METTL14: variants seen among roughly 807,000 people sequenced by gnomAD.
METTL14 encodes N(6)-adenosine-methyltransferase non-catalytic subunit METTL14.
Under a neutral mutation model 62.4 loss-of-function variants are expected in METTL14, and 32 were observed. That is an observed-to-expected ratio of 0.51 (90% CI 0.39 to 0.69). METTL14 has a LOEUF of 0.69. Ranked by LOEUF, METTL14 falls within the 30% of genes least tolerant of loss-of-function variation. The probability of loss-of-function intolerance (pLI) is 0.00; values close to 1 mark genes in which losing one functional copy is unlikely to be tolerated. For missense variants in METTL14, 340 were observed against 551.9 expected, an observed-to-expected ratio of 0.62 and a Z score of 3.85; for synonymous variants, 150 against 180.0, an observed-to-expected ratio of 0.83 and a Z score of 1.34.
intron 3 of METTL14, among the ~76,000 whole-genome samples, chr4:118,691,041 C>T (rs573499857): frequency 6.6e-6 from 1 of 151,820 alleles, no homozygotes; most frequent in African/African-American, 2.4e-5. Context: ...TGAAATAATA[C>T]CTAATCTCGT....
intron 6 of METTL14, among the ~76,000 whole-genome samples, chr4:118,695,423 C>T (rs1724378073): frequency 6.6e-6 from 1 of 151,994 alleles, no homozygotes. Flanking sequence ...GTGGTGCACG[C>T]CTGTAATCCC....
At chr4:118,694,729 A>G (rs1331761228) in intron 6 of METTL14, among the ~76,000 whole-genome samples, 1 of 152,110 alleles carries the variant, frequency 6.6e-6, no homozygotes, top group Non-Finnish European at 1.5e-5. Flanking sequence ...TCCTGGGCTC[A>G]AGCAATCCTC....
chr4:118,701,836 A>G (rs1724599775), intron 8 of METTL14, among the ~76,000 whole-genome samples: 1 of 152,190 alleles, frequency 6.6e-6, no homozygotes. Flanking sequence ...CCAAATTCTG[A>G]AATTCTACAA....
chr4:118,703,991 T>C lies in METTL14; in HGVS notation c.795T>C (p.Asn265=). Residue 265 remains asparagine (N), a synonymous_variant, in exon 9 of 11, where the codon AAT becomes AAC. Transcript: ENST00000388822. ...RCEDICWIKT[N]KNNPGKTKTL... ...AAGATATTTGTTGGATTAAAACCAA[T>C]AAAAACAATCCTGGGAAGACTAAGA... 6.3e-7 allele frequency: 1 copy of C among 1,597,284 alleles called. No homozygotes were observed. Among genetic ancestry groups the C allele is most frequent in the East Asian group, 2.3e-5 (1 of 44,352 alleles).
In METTL14 at chr4:118,697,195, G is replaced by A. The variant is rs370370248; in HGVS notation, c.517G>A (p.Asp173Asn). 4.4e-6 allele frequency: 7 copies of A among 1,599,714 alleles called. No homozygotes were observed. Among genetic ancestry groups the A allele is most frequent in the South Asian group, 3.4e-5 (3 of 87,436 alleles). ...TTAATCAAATAGGTACTTACAAGCCGATATAGAAGCCTTTGACATCAGAGA... is the reference window on the plus strand; with the variant it reads ...TTAATCAAATAGGTACTTACAAGCCAATATAGAAGCCTTTGACATCAGAGA... ...SNTPPMYLQADIEAFDIRELT... is the reference protein window; with the variant it reads ...SNTPPMYLQANIEAFDIRELT... The change falls in exon 7 of 11, where the codon GAT (aspartate) becomes AAT (asparagine). Residue 173 changes from aspartate (D) to asparagine (N), a missense_variant. Around this residue, in one of 7 missense-constraint regions of METTL14, gnomAD observed 41 missense variants for 44.0 expected, o/e 0.93. Coordinates refer to ENST00000388822, the MANE Select transcript of METTL14 (RefSeq NM_020961.4).
chr4:118,691,569 C>G lies in METTL14; in HGVS notation c.281C>G (p.Pro94Arg), dbSNP rs1040836897. Residue 94 changes from proline (P) to arginine (R), a missense_variant, in exon 4 of 11, where the codon CCA becomes CGA. By Grantham distance (103) the Pro-to-Arg change is moderately radical (BLOSUM62 -2). Coordinates refer to ENST00000388822, the MANE Select transcript of METTL14 (RefSeq NM_020961.4). ...ATGCAACAGGATGAAGAAAATTTGCCATATGAAGAAGAGATTTACAAAGAT... is the reference window on the plus strand; with the variant it reads ...ATGCAACAGGATGAAGAAAATTTGCGATATGAAGAAGAGATTTACAAAGAT... ...LEMQQDEENL[P>R]YEEEIYKDSS... 1 of 1,554,782 alleles carries G rather than the reference C, an allele frequency of 6.4e-7. No homozygotes were observed. Among genetic ancestry groups the G allele is most frequent in the Non-Finnish European group, 8.7e-7 (1 of 1,149,348 alleles).
In METTL14 at chr4:118,688,028, T is replaced by A; in HGVS notation, c.155+17T>A. The A allele has an allele frequency of 1.5e-4, 33 of 215,690 alleles. No homozygotes were observed. The highest frequency in any genetic ancestry group is 2.0e-4 in the East Asian group (1 of 5,100). 13.4% of individuals were successfully genotyped at this position (215,690 alleles called of 1,614,324 possible). A position where few individuals can be genotyped will look rare whatever the true frequency, so the allele number is the denominator to read the frequency against. On this transcript the variant is annotated intron_variant, in intron 2 of 10. Transcript: ENST00000388822. ...AACTTGCAGGTCAGTCAGATAATTC[T>A]TTTTTTTTTTTTTTTTGAGACAGGG...
chr4:118,693,528 A>G (rs1173925058), intron 5 of METTL14, among the ~76,000 whole-genome samples: 2 of 152,176 alleles, frequency 1.3e-5, no homozygotes, highest in African/African-American at 4.8e-5. Context: ...GATATAATCA[A>G]ATTTAGTTTT....
At chr4:118,699,619 A>G (rs1345413809) in intron 7 of METTL14, among the ~76,000 whole-genome samples, 1 of 152,200 alleles carries the variant, frequency 6.6e-6, no homozygotes, top group Non-Finnish European at 1.5e-5. Context: ...TTCTTTATTA[A>G]TAATTAGGCA....
chr4:118,709,898 G>A lies in METTL14; in HGVS notation c.1067-100G>A, dbSNP rs992316461. 9.9e-6 allele frequency: 11 copies of A among 1,115,918 alleles called. No homozygotes were observed. The African/African-American group carries it at 1.3e-4, about 13-fold the overall frequency. The allele number at this position is 1,115,918 out of a possible 1,614,324, so 69.1% of individuals were successfully genotyped here. A position where few individuals can be genotyped will look rare whatever the true frequency, so the allele number is the denominator to read the frequency against. ...AGATCAGTATTGGATGAATGATGGG[G>A]ACATCTTTAAGAATGCATTGGGGAT... On this transcript the variant is annotated intron_variant, in intron 10 of 10. Coordinates refer to ENST00000388822, the MANE Select transcript of METTL14 (RefSeq NM_020961.4).
intron 4 of METTL14, among the ~76,000 whole-genome samples, 179 bp downstream of exon 4, chr4:118,691,791 T>C (rs1189006096): frequency 6.6e-6 from 1 of 152,176 alleles, no homozygotes; most frequent in African/African-American, 2.4e-5. Flanking sequence ...CTATTTAGTG[T>C]GAGGTAACAG....
chr4:118,710,041 T>C lies in METTL14; in HGVS notation c.1110T>C (p.Asn370=), dbSNP rs758034170. ...CAACGCTTACAAATAGCAACTACAATGCAGAAACATATGCATCCTATTTCA... is the reference window on the plus strand; with the variant it reads ...CAACGCTTACAAATAGCAACTACAACGCAGAAACATATGCATCCTATTTCA... ...VGPTLTNSNY[N]AETYASYFSA... Residue 370 remains asparagine, a synonymous_variant, in exon 11 of 11, where the codon AAT becomes AAC. Transcript: ENST00000388822. 1.9e-6 allele frequency: 3 copies of C among 1,614,108 alleles called. No individual in the cohort carries two copies. The East Asian group carries it at 6.7e-5, about 36-fold the overall frequency.
intron 7 of METTL14, among the ~76,000 whole-genome samples, chr4:118,699,048 C>T (rs1471207969): frequency 6.6e-6 from 1 of 152,004 alleles, no homozygotes; most frequent in Non-Finnish European, 1.5e-5. Context: ...TAATGGAAAC[C>T]AAGGGAACAG....
At chr4:118,687,838 A>G in intron 1 of METTL14, 85 bp from the exon 2 acceptor site, 1 of 1,019,982 alleles carries the variant, frequency 9.8e-7, no homozygotes, top group Non-Finnish European at 1.5e-6. Context: ...TTTTTTAAGT[A>G]TTTAATGTAT....
At position 118,691,528 on chromosome 4, in the gene METTL14, C is replaced by A; in HGVS notation, c.244-4C>A. 1 of 1,522,834 alleles carries A rather than the reference C, an allele frequency of 6.6e-7. No homozygotes were observed. The highest frequency in any genetic ancestry group is 2.0e-5 in the Admixed American group (1 of 49,454). 94.3% of individuals were successfully genotyped at this position (1,522,834 alleles called of 1,614,324 possible). The stretch of plus-strand genomic sequence containing the variant: ...AATATTTACTTAATCTTATGTTTTT[C>A]AAGGATGAACTAGAAATGCAACAGG... On this transcript the variant is annotated splice_polypyrimidine_tract_variant and splice_region_variant and intron_variant, in intron 3 of 10. Coordinates refer to ENST00000388822, the MANE Select transcript of METTL14 (RefSeq NM_020961.4).
At position 118,688,027 on chromosome 4, in the gene METTL14, CTTTTTT is replaced by C; in HGVS notation, c.155+28_155+33del. 1.5e-5 allele frequency: 20 copies of C among 1,290,738 alleles called. No individual in the cohort carries two copies. Among genetic ancestry groups the C allele is most frequent in the Admixed American group, 2.2e-5 (1 of 45,112 alleles). The allele number at this position is 1,290,738 out of a possible 1,614,324, so 80.0% of individuals were successfully genotyped here. The stretch of plus-strand genomic sequence containing the variant: ...AAACTTGCAGGTCAGTCAGATAATT[CTTTTTT>C]TTTTTTTTTTTGAGACAGGGTTTCA... On this transcript the variant is annotated intron_variant, in intron 2 of 10. Transcript: ENST00000388822.
Position 118,711,368 on chromosome 4 carries a change from T to C in METTL14, c.*1066T>C, listed in dbSNP as rs1724916416. 2 of 152,260 alleles carry C rather than the reference T, an allele frequency of 1.3e-5. No homozygotes were observed. Among genetic ancestry groups the C allele is most frequent in the South Asian group, 4.1e-4 (2 of 4,838 alleles). The allele number at this position is 152,260 out of a possible 1,614,324, so 9.4% of individuals were successfully genotyped here. A position where few individuals can be genotyped will look rare whatever the true frequency, so the allele number is the denominator to read the frequency against. On this transcript the variant is annotated 3_prime_UTR_variant, in exon 11 of 11. Coordinates refer to ENST00000388822, the MANE Select transcript of METTL14 (RefSeq NM_020961.4). ...TAATTCATGTTTTAAATGAATTTGA[T>C]AATGAAATTATACTATTATCATTCT...
intron 1 of METTL14, among the ~76,000 whole-genome samples, chr4:118,687,051 ATAAGT>A (rs1483256589): frequency 6.6e-6 from 1 of 152,258 alleles, no homozygotes; most frequent in Non-Finnish European, 1.5e-5. Flanking sequence ...CATAGAATAA[ATAAGT>A]TATATAAGCT....
At chr4:118,700,387 C>T (rs971228888) in intron 7 of METTL14, among the ~76,000 whole-genome samples, 163 bp from the exon 8 acceptor site, 4 of 151,914 alleles carry the variant, frequency 2.6e-5, no homozygotes, top group Admixed American at 1.3e-4. Flanking sequence ...AACAATAGAA[C>T]GAGTAATTTT....
Sources: gnomAD v4.1 joint callset for allele counts (sites outside exome capture counted in the v4.1 genomes callset) on GRCh38, gnomAD v4.1.1 for gene constraint, gnomAD v4.1.1 regional missense constraint, MANE v1.5 for transcripts, NCBI Gene and HGNC (gene_info 2026-07-23, HGNC 2026-07-21) for gene names.